ESRP1: variants seen among roughly 807,000 people sequenced by gnomAD.
ESRP1 encodes the protein RNA-binding motif protein 35A.
In ESRP1, 33 loss-of-function variants were observed where a neutral mutation model predicts 81.7. The ratio of observed to expected loss-of-function variants is 0.40; its 90% CI spans 0.31 to 0.54. ESRP1 has a LOEUF of 0.54. ESRP1 is among the 20% of genes least tolerant of loss of function. ESRP1 has a pLI of 0.41. For missense variants in ESRP1, 672 were observed against 833.1 expected (o/e 0.81, Z 2.38); for synonymous variants, 320 against 303.3 (o/e 1.06, Z -0.57).
chr8:94,676,929 G>T (rs912437960), intron 12 of ESRP1, among the ~76,000 whole-genome samples: 2 of 152,092 alleles, frequency 1.3e-5, no homozygotes, highest in Admixed American at 6.5e-5. Context: ...AAGGCGGGCA[G>T]ATCACCCGAA....
At chr8:94,684,746 C>G (rs1809066248) in intron 13 of ESRP1, among the ~76,000 whole-genome samples, 1 of 152,172 alleles carries the variant, frequency 6.6e-6, no homozygotes, top group Non-Finnish European at 1.5e-5. Flanking sequence ...ACTTTGGCCT[C>G]TCTTTTTTAG....
rs575316785 is a variant in ESRP1 at position 94,657,188 on chromosome 8, C to T, written c.491-5084C>T. 2.0e-5 allele frequency among the ~76,000 whole-genome samples: 3 copies of T among 152,220 alleles called. No individual in the cohort carries two copies. The East Asian group carries it at 5.8e-4, about 29-fold the overall frequency. On this transcript the variant is annotated intron_variant, in intron 4 of 15. Coordinates refer to ENST00000433389, the MANE Select transcript of ESRP1 (RefSeq NM_017697.4). ...CTCTGCCTGTACCCTTCCTCATTTC[C>T]TTGAGGCATTTCTCATTTGTGAAGC...
At chr8:94,679,108 C>T (rs574972450) in intron 13 of ESRP1, among the ~76,000 whole-genome samples, 115 of 152,294 alleles carry the variant, frequency 7.6e-4, no homozygotes, top group Non-Finnish European at 1.5e-3. Context: ...TATTTTTCTT[C>T]CCTGTCCAAT....
intron 4 of ESRP1, among the ~76,000 whole-genome samples, chr8:94,655,228 A>C (rs1435536281): frequency 1.3e-5 from 2 of 151,516 alleles, no homozygotes; most frequent in African/African-American, 4.9e-5. Flanking sequence ...TAACTGCTGG[A>C]ATTACAGATG....
intron 12 of ESRP1, among the ~76,000 whole-genome samples, chr8:94,675,576 A>C (rs1819549043): frequency 6.6e-6 from 1 of 152,320 alleles, no homozygotes; most frequent in South Asian, 2.1e-4. Flanking sequence ...TTGGAAATTT[A>C]TAATTGGGTT....
intron 9 of ESRP1, among the ~76,000 whole-genome samples, chr8:94,667,601 A>T (rs1401500559): frequency 6.6e-6 from 1 of 152,130 alleles, no homozygotes; most frequent in Non-Finnish European, 1.5e-5. Flanking sequence ...TAAGGCACGG[A>T]GTTGAACTTG....
intron 4 of ESRP1, among the ~76,000 whole-genome samples, chr8:94,651,229 A>ATAG (rs1271203787): frequency 1.4e-5 from 2 of 143,486 alleles, no homozygotes; most frequent in Non-Finnish European, 3.0e-5. Flanking sequence ...AAAGAAAATT[A>ATAG]TAGTGTGGTC....
In ESRP1 at chr8:94,662,675, T is replaced by A; in HGVS notation, c.644+120T>A. The A allele has an allele frequency of 3.8e-6, 3 of 782,260 alleles. No homozygotes were observed. In the South Asian group the frequency reaches 5.6e-5, roughly 15 times the overall value. 48.5% of individuals were successfully genotyped at this position (782,260 alleles called of 1,614,324 possible). On this transcript the variant is annotated intron_variant, in intron 6 of 15. Coordinates refer to ENST00000433389, the MANE Select transcript of ESRP1 (RefSeq NM_017697.4). ...CAGGCTGGAGTGCAGTGGCACGATC[T>A]CAGCTCACTGCAAGCTCCGCCTCCC...
chr8:94,650,657 A>G lies in ESRP1; in HGVS notation c.490+4375A>G, dbSNP rs1222496353. Among the ~76,000 whole-genome samples, 6 of 152,232 alleles carry G rather than the reference A, an allele frequency of 3.9e-5. 1 individual carries two copies. The highest frequency in any genetic ancestry group is 3.9e-4 in the Admixed American group (6 of 15,286). On this transcript the variant is annotated intron_variant, in intron 4 of 15. Coordinates refer to ENST00000433389, the MANE Select transcript of ESRP1 (RefSeq NM_017697.4). ...TGCTCTCAAGTTCTTGCAAATATGA[A>G]TAGTGCTGTTATAAACATCACGTGC...
At chr8:94,648,601 G>T (rs1194205613) in intron 4 of ESRP1, among the ~76,000 whole-genome samples, 1 of 152,208 alleles carries the variant, frequency 6.6e-6, no homozygotes, top group Non-Finnish European at 1.5e-5. Context: ...GCTGAATTGG[G>T]AGATCTGTAG....
In ESRP1 at chr8:94,661,981, C is replaced by A. The variant is rs191862283; in HGVS notation, c.491-291C>A. Among the ~76,000 whole-genome samples, 369 of 152,278 alleles carry A rather than the reference C, an allele frequency of 2.4e-3. 2 individuals carry two copies. Among genetic ancestry groups the A allele is most frequent in the Middle Eastern group, 0.01 (3 of 294 alleles). On this transcript the variant is annotated intron_variant, in intron 4 of 15. Transcript: ENST00000433389. ...ATATTCTAATTAACTTTGTTGCATACTTTGATTCAAAATGAAATGAAAATG... is the reference window on the plus strand; with the variant it reads ...ATATTCTAATTAACTTTGTTGCATAATTTGATTCAAAATGAAATGAAAATG...
At chr8:94,641,519 G>A (rs1460258262) in intron 1 of ESRP1, 69 bp downstream of exon 1, 7 of 1,596,222 alleles carry the variant, frequency 4.4e-6, no homozygotes, top group East Asian at 2.2e-5. Flanking sequence ...GTTTGGGCGG[G>A]GAGGGGGGTG....
At chr8:94,688,583 A>G in intron 13 of ESRP1, 1 of 206,526 alleles carries the variant, frequency 4.8e-6, no homozygotes, top group Non-Finnish European at 1.0e-5. Context: ...GAAAACACAC[A>G]TGAGGGAAAA....
chr8:94,699,420 C>CCTAGAAATTTGAGTCCTAGA (rs1809728610), intron 15 of ESRP1, among the ~76,000 whole-genome samples: 1 of 152,060 alleles, frequency 6.6e-6, no homozygotes, highest in South Asian at 2.1e-4. Flanking sequence ...GTGGGCAGAT[C>CCTAGAAATTTGAGTCCTAGA]ACTTAAGCCC....
rs1430290340 is a variant in ESRP1, at chr8:94,641,243, AC to A, written c.-75del. 1.4e-6 allele frequency: 2 copies of A among 1,417,380 alleles called. No homozygotes were observed. The highest frequency in any genetic ancestry group is 1.9e-6 in the Non-Finnish European group (2 of 1,030,036). The allele number at this position is 1,417,380 out of a possible 1,614,324, so 87.8% of individuals were successfully genotyped here. A position where few individuals can be genotyped will look rare whatever the true frequency, so the allele number is the denominator to read the frequency against. On this transcript the variant is annotated 5_prime_UTR_variant, in exon 1 of 16. Coordinates refer to ENST00000433389, the MANE Select transcript of ESRP1 (RefSeq NM_017697.4). The stretch of plus-strand genomic sequence containing the variant: ...TTTTTCTCTTAGAAGAGGGTTTAGC[AC>A]AGGTTTTTTCGTTCTCACTTCCACA...
chr8:94,663,924 A>G (rs1354012846), intron 6 of ESRP1, among the ~76,000 whole-genome samples: 1 of 152,148 alleles, frequency 6.6e-6, no homozygotes, highest in African/African-American at 2.4e-5. Context: ...GGATATTTTA[A>G]TGGCAGACTT....
At chr8:94,653,035 A>C (rs1818223306) in intron 4 of ESRP1, among the ~76,000 whole-genome samples, 1 of 152,204 alleles carries the variant, frequency 6.6e-6, no homozygotes, top group African/African-American at 2.4e-5. Context: ...TTAAAGCAGT[A>C]AAGTTAATTT....
intron 13 of ESRP1, among the ~76,000 whole-genome samples, chr8:94,684,284 C>T (rs996736525): frequency 6.6e-6 from 1 of 152,166 alleles, no homozygotes; most frequent in Non-Finnish European, 1.5e-5. Context: ...GTTCCTTAGA[C>T]TTTCTCTGAG....
At chr8:94,676,687 A>G (rs1386888761) in intron 12 of ESRP1, among the ~76,000 whole-genome samples, 2 of 151,374 alleles carry the variant, frequency 1.3e-5, no homozygotes, top group South Asian at 4.2e-4. Flanking sequence ...TTTAGTAGAG[A>G]TGGGGTCTCA....
Sources: gnomAD v4.1 joint callset for allele counts (sites outside exome capture counted in the v4.1 genomes callset) on GRCh38, gnomAD v4.1.1 for gene constraint, MANE v1.5 for transcripts, NCBI Gene and HGNC (gene_info 2026-07-23, HGNC 2026-07-21) for gene names.